The following CACNG2 variants were observed in gnomAD, a reference collection of about 807,000 sequenced individuals.
The protein encoded by CACNG2 is calcium voltage-gated channel auxiliary subunit gamma 2.
CACNG2 carries 3 observed loss-of-function variants against 25.9 expected under a neutral mutation model. That is an observed-to-expected ratio of 0.12 (90% CI 0.05 to 0.30). CACNG2 has a LOEUF of 0.30. Among genes scored for constraint, CACNG2 ranks in the 10% least tolerant of loss-of-function variants. CACNG2 has a pLI of 1.00. For missense variants in CACNG2, 341 were observed against 432.5 expected (o/e 0.79, Z 1.88); for synonymous variants, 167 against 173.3 (o/e 0.96, Z 0.29).
intron 1 of CACNG2, among the ~76,000 whole-genome samples, chr22:36,623,994 T>C (rs1936145914): frequency 2.0e-5 from 3 of 152,262 alleles, no homozygotes; most frequent in African/African-American, 7.2e-5. Context: ...CCTTTTGGCT[T>C]GCAGATTCTA....
At chr22:36,684,843 C>T (rs1457294081) in intron 1 of CACNG2, among the ~76,000 whole-genome samples, 17 of 152,126 alleles carry the variant, frequency 1.1e-4, no homozygotes, top group Admixed American at 1.1e-3. Context: ...GCACCCTGCC[C>T]GAGGTGGCAG....
chr22:36,573,488 C>T (rs2145911474), intron 2 of CACNG2, among the ~76,000 whole-genome samples: 1 of 152,202 alleles, frequency 6.6e-6, no homozygotes, highest in Non-Finnish European at 1.5e-5. Flanking sequence ...TGTGCCATCA[C>T]ACCTGGCTAA....
chr22:36,574,782 CAACAAAACAAAACAAAACCAA>C (rs908716390), intron 2 of CACNG2, among the ~76,000 whole-genome samples: 3 of 62,478 alleles, frequency 4.8e-5, no homozygotes, highest in African/African-American at 2.7e-4. Context: ...AACTCTGTCT[CAACAAAACAAAACAAAACCAA>C]AACAAAACAA....
At chr22:36,624,923 G>A (rs1038871099) in intron 1 of CACNG2, among the ~76,000 whole-genome samples, 1 of 149,834 alleles carries the variant, frequency 6.7e-6, no homozygotes, top group Non-Finnish European at 1.5e-5. Context: ...AGCTACTTGG[G>A]AGGCTGAGGT....
At chr22:36,669,837 G>A (rs562866308) in intron 1 of CACNG2, among the ~76,000 whole-genome samples, 51 of 151,986 alleles carry the variant, frequency 3.4e-4, no homozygotes, top group South Asian at 1.3e-3. Flanking sequence ...CTCAGCCTCC[G>A]GAGTAGCTGG....
chr22:36,650,341 G>A (rs973091884), intron 1 of CACNG2, among the ~76,000 whole-genome samples: 2 of 151,428 alleles, frequency 1.3e-5, no homozygotes, highest in African/African-American at 2.4e-5. Context: ...GGCTGGACTC[G>A]CTCCAAACAC....
intron 1 of CACNG2, among the ~76,000 whole-genome samples, chr22:36,650,809 C>T (rs1012196068): frequency 6.6e-6 from 1 of 152,144 alleles, no homozygotes; most frequent in African/African-American, 2.4e-5. Flanking sequence ...CATGAGCCAC[C>T]GCGCCTGGCC....
At chr22:36,590,204 G>A (rs915799864) in intron 1 of CACNG2, among the ~76,000 whole-genome samples, 1 of 152,126 alleles carries the variant, frequency 6.6e-6, no homozygotes, top group African/African-American at 2.4e-5. Context: ...ACTCATCCTT[G>A]GACCATTGGC....
At chr22:36,665,506 C>A (rs957031594) in intron 1 of CACNG2, among the ~76,000 whole-genome samples, 1 of 152,180 alleles carries the variant, frequency 6.6e-6, no homozygotes, top group East Asian at 1.9e-4. Context: ...CTTTTTAAAA[C>A]CCATGAGTGC....
intron 1 of CACNG2, among the ~76,000 whole-genome samples, chr22:36,609,713 A>G (rs1935904036): frequency 7.0e-6 from 1 of 143,624 alleles, no homozygotes; most frequent in South Asian, 2.3e-4. Context: ...TCGGGCAGGA[A>G]TCAGCCCCCC....
intron 2 of CACNG2, among the ~76,000 whole-genome samples, chr22:36,576,044 C>T (rs1216683902): frequency 1.3e-5 from 2 of 152,226 alleles, no homozygotes; most frequent in East Asian, 1.9e-4. Flanking sequence ...AGCCAATGGC[C>T]GTGAGAAGGG....
intron 1 of CACNG2, among the ~76,000 whole-genome samples, chr22:36,691,277 TG>T (rs1341843824): frequency 1.4e-5 from 2 of 139,750 alleles, no homozygotes; most frequent in Non-Finnish European, 3.1e-5. Context: ...AAGTAGGATG[TG>T]GCTGGGAAAG....
chr22:36,634,661 G>A (rs1366187131), intron 1 of CACNG2, among the ~76,000 whole-genome samples: 1 of 152,142 alleles, frequency 6.6e-6, no homozygotes, highest in African/African-American at 2.4e-5. Flanking sequence ...TAATAGATTA[G>A]CTCTTACTAT....
intron 1 of CACNG2, among the ~76,000 whole-genome samples, chr22:36,626,393 T>TC (rs1162775108): frequency 3.9e-5 from 6 of 152,222 alleles, no homozygotes; most frequent in Non-Finnish European, 7.3e-5. Flanking sequence ...CTACTTCTTT[T>TC]TTTTTCCTCT....
chr22:36,624,036 C>T (rs1936146931), intron 1 of CACNG2, among the ~76,000 whole-genome samples: 1 of 152,080 alleles, frequency 6.6e-6, no homozygotes, highest in African/African-American at 2.4e-5. Flanking sequence ...CGACTCCTCA[C>T]CTCATCTCAT....
intron 1 of CACNG2, among the ~76,000 whole-genome samples, chr22:36,591,786 C>G (rs550570469): frequency 6.6e-6 from 1 of 152,170 alleles, no homozygotes; most frequent in South Asian, 2.1e-4. Flanking sequence ...GGACACAGCA[C>G]AAGGGGGGTG....
chr22:36,651,293 A>T (rs1936611824), intron 1 of CACNG2, among the ~76,000 whole-genome samples: 2 of 139,518 alleles, frequency 1.4e-5, no homozygotes, highest in South Asian at 4.5e-4. Flanking sequence ...TAGTGATGCA[A>T]TCTCGGCTCA....
intron 1 of CACNG2, among the ~76,000 whole-genome samples, chr22:36,594,156 A>G (rs2145926870): frequency 6.6e-6 from 1 of 152,250 alleles, no homozygotes; most frequent in Non-Finnish European, 1.5e-5. Flanking sequence ...TTTCCTCCCA[A>G]CTAGCTTCAT....
At chr22:36,674,239 C>A (rs775818652) in intron 1 of CACNG2, among the ~76,000 whole-genome samples, 15 of 152,264 alleles carry the variant, frequency 9.9e-5, no homozygotes, top group Non-Finnish European at 1.8e-4. Flanking sequence ...CATGGGAAAG[C>A]AACTTCACCT....
Sources: allele counts gnomAD v4.1 joint callset (sites outside exome capture counted in the v4.1 genomes callset), GRCh38; gene constraint gnomAD v4.1.1; transcripts MANE v1.5; gene names NCBI Gene and HGNC (gene_info 2026-07-23, HGNC 2026-07-21).